STARD8: variants seen among roughly 807,000 people sequenced by gnomAD.
STARD8 encodes the protein StAR related lipid transfer domain containing 8.
STARD8 carries 25 observed loss-of-function variants against 69.4 expected under a neutral mutation model. That is an observed-to-expected ratio of 0.36 (90% CI 0.26 to 0.50). The LOEUF (loss-of-function observed/expected upper bound fraction) is 0.50, where lower values mean the gene tolerates loss of function less well. Among genes scored for constraint, STARD8 ranks in the 20% least tolerant of loss-of-function variants. STARD8 has a pLI of 0.96. For synonymous variants in STARD8, 389 were observed against 374.6 expected (o/e 1.04, Z -0.45); for missense variants, 921 against 932.5 (o/e 0.99, Z 0.16).
At chrX:68,660,001 A>T (rs1296755606) in intron 1 of STARD8, among the ~76,000 whole-genome samples, 1 of 110,802 alleles carries the variant, frequency 9.0e-6, no homozygotes, top group Non-Finnish European at 1.9e-5. Flanking sequence ...TCGGGGGTGG[A>T]TGAGTAGGTA....
chrX:68,670,531 C>G (rs142147875), intron 2 of STARD8, among the ~76,000 whole-genome samples: 1 of 111,057 alleles, frequency 9.0e-6, no homozygotes, highest in Non-Finnish European at 1.9e-5. Flanking sequence ...AGAATTAGGT[C>G]TAGGTTTAGA....
chrX:68,658,307 T>G, intron 1 of STARD8, among the ~76,000 whole-genome samples: 1 of 112,197 alleles, frequency 8.9e-6, no homozygotes, highest in Non-Finnish European at 1.9e-5. Context: ...GTTTAGAAAT[T>G]TATCCAAGAT....
intron 1 of STARD8, among the ~76,000 whole-genome samples, chrX:68,649,754 T>G (rs1044841354): frequency 5.4e-5 from 6 of 110,952 alleles, no homozygotes; most frequent in Non-Finnish European, 7.5e-5. Context: ...GTGACTACTG[T>G]TTTGGGGAAT....
At chrX:68,693,608 A>C in intron 2 of STARD8, 1 of 751,108 alleles carries the variant, frequency 1.3e-6, no homozygotes, top group Non-Finnish European at 1.6e-6. Flanking sequence ...GCGTCCCTAC[A>C]GCCCTACTCG....
rs1462041213 is a variant in STARD8 at position 68,718,552 on chromosome X, C to A, written c.1638C>A (p.Pro546=). 1 of 1,211,920 alleles carries A rather than the reference C, an allele frequency of 8.3e-7. No individual in the cohort carries two copies. The highest frequency in any genetic ancestry group is 3.0e-5 in the East Asian group (1 of 33,833). The change falls in exon 6 of 15, where the codon CCC becomes CCA. Residue 546 remains proline (P), a synonymous_variant. Coordinates refer to ENST00000374599, the MANE Select transcript of STARD8 (RefSeq NM_001142503.3). ...TGAATGAGGCTGAGGCTGCGGGGCC[C>A]CTGGCTGGACTCCAGGCATCAATGC... ...NSMNEAEAAG[P]LAGLQASMPR... is the part of the protein sequence containing the mutation.
intron 2 of STARD8, among the ~76,000 whole-genome samples, chrX:68,670,201 C>T (rs1243647023): frequency 8.9e-6 from 1 of 112,091 alleles, no homozygotes; most frequent in African/African-American, 3.2e-5. Context: ...GATCTAGTCT[C>T]GTCTCCATCA....
chrX:68,702,264 A>G (rs2079972022), intron 2 of STARD8, among the ~76,000 whole-genome samples: 1 of 112,126 alleles, frequency 8.9e-6, no homozygotes, highest in African/African-American at 3.2e-5. Context: ...TTCACAGTCC[A>G]TGGGGAGTGG....
intron 2 of STARD8, among the ~76,000 whole-genome samples, chrX:68,699,223 A>G (rs778219914): frequency 2.7e-5 from 3 of 111,218 alleles, no homozygotes; most frequent in Non-Finnish European, 3.8e-5. Context: ...AGTCACCTTT[A>G]TGCTCTCTCC....
chrX:68,667,103 A>T (rs2079688550), intron 2 of STARD8, among the ~76,000 whole-genome samples: 1 of 112,358 alleles, frequency 8.9e-6, no homozygotes, highest in African/African-American at 3.2e-5. Flanking sequence ...CAAAGCTGAG[A>T]TGGGACTGGT....
At chrX:68,685,841 C>T (rs1017402115) in intron 2 of STARD8, among the ~76,000 whole-genome samples, 1 of 111,718 alleles carries the variant, frequency 9.0e-6, no homozygotes, top group Non-Finnish European at 1.9e-5. Context: ...CTCAGGCCAG[C>T]CAGTCAGAGA....
chrX:68,653,793 A>T, intron 1 of STARD8, among the ~76,000 whole-genome samples: 1 of 107,202 alleles, frequency 9.3e-6, no homozygotes, highest in South Asian at 4.0e-4. Flanking sequence ...CACACACACC[A>T]CATACACACA....
intron 3 of STARD8, among the ~76,000 whole-genome samples, chrX:68,714,990 G>A (rs988277912): frequency 1.8e-5 from 2 of 111,779 alleles, no homozygotes; most frequent in East Asian, 5.7e-4. Context: ...GATTCAAAGG[G>A]GAATGGGGGA....
intron 4 of STARD8, 37 bp from the exon 5 acceptor site, chrX:68,716,331 T>G (rs1157463116): frequency 8.4e-7 from 1 of 1,191,741 alleles, no homozygotes; most frequent in South Asian, 1.8e-5. Context: ...GCTTTGGGGA[T>G]GGGGACCCTT....
intron 2 of STARD8, among the ~76,000 whole-genome samples, chrX:68,690,438 G>A (rs891936293): frequency 1.8e-5 from 2 of 110,331 alleles, no homozygotes; most frequent in Admixed American, 9.6e-5. Context: ...AGGCAGGGCG[G>A]GGGGACTGTT....
intron 1 of STARD8, among the ~76,000 whole-genome samples, chrX:68,653,178 A>AT (rs2079575948): frequency 3.4e-4 from 1 of 2,918 alleles, no homozygotes; most frequent in African/African-American, 1.3e-3. Context: ...ACACACACAC[A>AT]ACACAGCACA....
Position 68,724,025 on chromosome X carries a change from C to A in STARD8, c.3098C>A (p.Ser1033Ter). The A allele has an allele frequency of 8.3e-7, 1 of 1,212,089 alleles. No individual in the cohort carries two copies. Among genetic ancestry groups the A allele is most frequent in the Non-Finnish European group, 1.1e-6 (1 of 895,583 alleles). Residue 1033 changes from serine to a stop codon, truncating the protein, a stop_gained, in exon 14 of 15, where the codon TCG (serine) becomes TAG (stop). Coordinates refer to ENST00000374599, the MANE Select transcript of STARD8 (RefSeq NM_001142503.3). LOFTEE classifies it high-confidence loss of function. ...GATCCGGAACAACCTGTGCCAGAGT[C>A]GGGTGTGCGAGCCCTCATGCTCACA... is the stretch of plus-strand genomic sequence containing the variant. ...SLDPEQPVPE[S>*]GVRALMLTSQ...
At chrX:68,689,523 GCCAGGGCTGGGTTAT>G (rs1465537895) in intron 2 of STARD8, among the ~76,000 whole-genome samples, 1 of 112,657 alleles carries the variant, frequency 8.9e-6, no homozygotes, top group Admixed American at 9.3e-5. Flanking sequence ...CTGGGAAAGA[GCCAGGGCTGGGTTAT>G]CCAGCTCCAC....
intron 1 of STARD8, among the ~76,000 whole-genome samples, chrX:68,652,145 A>G (rs758715534): frequency 9.1e-6 from 1 of 110,379 alleles, no homozygotes; most frequent in Non-Finnish European, 1.9e-5. Flanking sequence ...GGCGTAAGTC[A>G]CCACGCTCGG....
chrX:68,676,986 A>C (rs2079769248), intron 2 of STARD8, among the ~76,000 whole-genome samples: 1 of 108,938 alleles, frequency 9.2e-6, no homozygotes, highest in Non-Finnish European at 1.9e-5. Context: ...CCCCTACCAA[A>C]AAAAAAAAAA....
Sources: allele counts gnomAD v4.1 joint callset (sites outside exome capture counted in the v4.1 genomes callset), GRCh38; gene constraint gnomAD v4.1.1; transcripts MANE v1.5; gene names NCBI Gene and HGNC (gene_info 2026-07-23, HGNC 2026-07-21).